ASNS: variants seen among roughly 807,000 people sequenced by gnomAD.
The protein encoded by ASNS is asparagine synthetase [glutamine-hydrolyzing].
In ASNS, 37 loss-of-function variants were observed where a neutral mutation model predicts 62.6. That is an observed-to-expected ratio of 0.59 (90% CI 0.45 to 0.78). The LOEUF (loss-of-function observed/expected upper bound fraction) is 0.78. Among genes scored for constraint, ASNS ranks in the 30% least tolerant of loss-of-function variants. ASNS has a pLI of 0.00. For synonymous variants in ASNS, 207 were observed against 237.9 expected, an observed-to-expected ratio of 0.87 and a Z score of 1.19; for missense variants, 520 against 682.4, an observed-to-expected ratio of 0.76 and a Z score of 2.65.
the ASNS span, among the ~76,000 whole-genome samples, chr7:97,883,426 A>G: frequency 6.6e-6 from 1 of 151,582 alleles, no homozygotes; most frequent in Non-Finnish European, 1.5e-5. Context: ...AGCCCACCCA[A>G]CCCACATTCA....
At chr7:97,896,737 CACACATATATATATATAT>C in the ASNS span, among the ~76,000 whole-genome samples, 16 of 30,518 alleles carry the variant, frequency 5.2e-4, 1 homozygote, top group South Asian at 8.6e-3. Context: ...CACACACACA[CACACATATATATATATAT>C]ATATATATAT....
the ASNS span, among the ~76,000 whole-genome samples, chr7:97,881,874 C>T: frequency 9.2e-5 from 14 of 152,100 alleles, no homozygotes; most frequent in South Asian, 2.1e-3. Flanking sequence ...CCCAACACAG[C>T]GTGACCGATT....
chr7:97,890,523 A>G, the ASNS span, among the ~76,000 whole-genome samples: 1 of 152,176 alleles, frequency 6.6e-6, no homozygotes, highest in African/African-American at 2.4e-5. Flanking sequence ...GGGGATGTAT[A>G]CTACAAGTAA....
the ASNS span, among the ~76,000 whole-genome samples, chr7:97,879,580 G>A: frequency 1.3e-5 from 2 of 152,182 alleles, no homozygotes; most frequent in African/African-American, 4.8e-5. Context: ...AGGAAGCTGA[G>A]GACAGCAGGA....
At chr7:97,860,240 A>C (rs1198245612) in intron 4 of ASNS, among the ~76,000 whole-genome samples, 3 of 152,220 alleles carry the variant, frequency 2.0e-5, no homozygotes, top group Non-Finnish European at 4.4e-5. Flanking sequence ...GCAATACTAT[A>C]ATCAGATGAG....
At chr7:97,883,987 CAAAAAAAA>C in the ASNS span, among the ~76,000 whole-genome samples, 2 of 104,366 alleles carry the variant, frequency 1.9e-5, no homozygotes, top group African/African-American at 3.8e-5. Flanking sequence ...GACTCCATCT[CAAAAAAAA>C]AAAAAAAAAA....
At chr7:97,915,662 C>T in the ASNS span, among the ~76,000 whole-genome samples, 3 of 152,022 alleles carry the variant, frequency 2.0e-5, no homozygotes, top group Admixed American at 2.0e-4. Context: ...GTAGTGACTC[C>T]ACTGTCAGAT....
chr7:97,856,237 TAC>T (rs1791431253), intron 8 of ASNS, among the ~76,000 whole-genome samples: 1 of 152,244 alleles, frequency 6.6e-6, no homozygotes, highest in African/African-American at 2.4e-5. Flanking sequence ...TCTCAGTAGA[TAC>T]ATTATCTACA....
chr7:97,856,707 G>A lies in ASNS; in HGVS notation c.1013C>T (p.Thr338Ile). The A allele has an allele frequency of 6.2e-7, 1 of 1,612,710 alleles. No individual in the cohort carries two copies. The highest frequency in any genetic ancestry group is 8.5e-7 in the Non-Finnish European group (1 of 1,179,432). ...IFSLETYDIT[T>I]VRASVGMYLI... Reference sequence around the variant, plus strand: ...TACCTTACCTACTGAAGCACGAACTGTTGTAATGTCATAAGTTTCCAAGGA... The same window carrying A: ...TACCTTACCTACTGAAGCACGAACTATTGTAATGTCATAAGTTTCCAAGGA... Residue 338 changes from threonine to isoleucine, a missense_variant, in exon 8 of 13, where the codon ACA becomes ATA. Thr to Ile is a moderately conservative substitution (Grantham distance 89). Coordinates refer to ENST00000394308, the MANE Select transcript of ASNS (RefSeq NM_001673.5).
chr7:97,906,354 G>C, the ASNS span: 1 of 360,140 alleles, frequency 2.8e-6, no homozygotes, highest in Non-Finnish European at 5.3e-6. Flanking sequence ...GATAACTTCA[G>C]ACTCAGCCTA....
chr7:97,886,504 C>T, the ASNS span, among the ~76,000 whole-genome samples: 3 of 152,074 alleles, frequency 2.0e-5, no homozygotes, highest in Admixed American at 6.5e-5. Flanking sequence ...GCTGTGATAT[C>T]GGGTTTTCTT....
At chr7:97,859,457 C>A (rs1040256519) in intron 4 of ASNS, 59 bp from the exon 5 acceptor site, 2 of 1,493,000 alleles carry the variant, frequency 1.3e-6, no homozygotes, top group Non-Finnish European at 1.8e-6. Flanking sequence ...ATAACTTTCA[C>A]GATTAGTTAA....
chr7:97,890,730 G>A, the ASNS span, among the ~76,000 whole-genome samples: 1 of 152,064 alleles, frequency 6.6e-6, no homozygotes, highest in Non-Finnish European at 1.5e-5. Context: ...CTGGGTGGCA[G>A]AGTGAGACTC....
At chr7:97,915,319 C>G in the ASNS span, among the ~76,000 whole-genome samples, 64 of 152,322 alleles carry the variant, frequency 4.2e-4, 1 homozygote, top group South Asian at 3.5e-3. Context: ...AGCGACCAGC[C>G]AGATCGCTTC....
the ASNS span, among the ~76,000 whole-genome samples, chr7:97,891,784 G>A: frequency 9.1e-4 from 139 of 152,204 alleles, 1 homozygote; most frequent in Non-Finnish European, 2.6e-4. Flanking sequence ...GAGAAAAAAG[G>A]CCACAGCTCC....
At chr7:97,893,116 T>G in the ASNS span, among the ~76,000 whole-genome samples, 2 of 152,252 alleles carry the variant, frequency 1.3e-5, no homozygotes, top group African/African-American at 4.8e-5. Context: ...GCAAGTCACA[T>G]CTTACAGGGA....
intron 9 of ASNS, 156 bp downstream of exon 9, chr7:97,855,197 C>G: frequency 1.8e-6 from 1 of 562,560 alleles, no homozygotes; most frequent in Non-Finnish European, 3.1e-6. Context: ...TCTTTCTTCC[C>G]CAAGAGATAG....
At chr7:97,920,404 A>C in the ASNS span, among the ~76,000 whole-genome samples, 3 of 136,822 alleles carry the variant, frequency 2.2e-5, no homozygotes, top group Admixed American at 7.1e-5. Context: ...ACCACCCCCC[A>C]ATGCCCCCCG....
chr7:97,881,032 C>T, the ASNS span, among the ~76,000 whole-genome samples: 67 of 152,134 alleles, frequency 4.4e-4, 1 homozygote, highest in Non-Finnish European at 8.8e-5. Flanking sequence ...CCTCTGTCTC[C>T]CGGGTTCAAC....
Sources: gnomAD v4.1 joint callset for allele counts (sites outside exome capture counted in the v4.1 genomes callset) on GRCh38, gnomAD v4.1.1 for gene constraint, MANE v1.5 for transcripts, NCBI Gene and HGNC (gene_info 2026-07-23, HGNC 2026-07-21) for gene names.